The following MED8 variants were observed in gnomAD, a reference collection of about 807,000 sequenced individuals.
MED8 encodes the protein mediator complex subunit 8, also known as mediator of RNA polymerase II transcription subunit 8.
A neutral mutation model predicts 34.8 loss-of-function variants in MED8; 22 were observed. The observed-to-expected ratio is 0.63, with a 90% CI of 0.45 to 0.90. The LOEUF is 0.90. MED8 is among the 40% of genes least tolerant of loss of function. The pLI is 0.00. For missense variants in MED8, 260 were observed against 326.3 expected (o/e 0.80, Z 1.57); for synonymous variants, 105 against 120.2 (o/e 0.87, Z 0.83).
Position 43,384,516 on chromosome 1 carries a change from T to C in MED8, c.*526A>G, listed in dbSNP as rs529925640. The C allele has an allele frequency of 3.7e-6, 6 of 1,611,922 alleles. No individual in the cohort carries two copies. The East Asian group carries it at 1.3e-4, about 36-fold the overall frequency. On this transcript the variant is annotated 3_prime_UTR_variant, in exon 7 of 7. Transcript: ENST00000372457. ...CCAGAAGCTTCTTCACCTTGCGCCT[T>C]AGAGGGATAGCCAGAATGAAACCCA...
Position 43,386,044 on chromosome 1 carries a change from C to A in MED8, c.676G>T (p.Ala226Ser). ...GTSGLQQVQM[A>S]GAPSQQQPML... ...GGCTGCTGCTGGCTTGGAGCTCCTG[C>A]CATCTGCACCTGCTGTAATCCTGAG... The change falls in exon 6 of 7, where the codon GCA becomes TCA. Residue 226 changes from alanine to serine, a missense_variant. Coordinates refer to ENST00000372457, the MANE Select transcript of MED8 (RefSeq NM_201542.5). The surrounding 1 kb of genome is among the most constrained non-coding windows in gnomAD (Gnocchi z 4.9). 6.2e-7 allele frequency: 1 copy of A among 1,614,006 alleles called. No homozygotes were observed. Among genetic ancestry groups the A allele is most frequent in the Non-Finnish European group, 8.5e-7 (1 of 1,179,890 alleles).
rs762146850 is a variant in MED8, at chr1:43,386,174, CA to C, written c.545del (p.Val182GlyfsTer73). The C allele has an allele frequency of 6.2e-7, 1 of 1,614,022 alleles. No homozygotes were observed. Among genetic ancestry groups the C allele is most frequent in the Non-Finnish European group, 8.5e-7 (1 of 1,179,894 alleles). On this transcript the variant is annotated frameshift_variant, in exon 6 of 7. Coordinates refer to ENST00000372457, the MANE Select transcript of MED8 (RefSeq NM_201542.5). LOFTEE classifies it high-confidence loss of function. This position sits in a 1 kb window ranked among gnomAD's most constrained non-coding sequence, Gnocchi z 4.9. The stretch of plus-strand genomic sequence containing the variant: ...GTCCTTTCCCAAAGGCAACAGCTGC[CA>C]CCAAGGCATTAGTGTCTGTAGGGTT... ...TFNPTDTNAL[V>X]AAVAFGKGLS...
chr1:43,387,114 G>A (rs1194001178), intron 3 of MED8, 116 bp from the exon 4 acceptor site: 3 of 1,341,706 alleles, frequency 2.2e-6, no homozygotes, highest in Non-Finnish European at 3.1e-6. Context: ...TACAACCTGA[G>A]ACATAATATC....
Position 43,386,234 on chromosome 1 carries a change from A to G in MED8, c.494-8T>C. The G allele has an allele frequency of 1.2e-6, 2 of 1,610,918 alleles. No individual in the cohort carries two copies. Among genetic ancestry groups the G allele is most frequent in the Non-Finnish European group, 1.7e-6 (2 of 1,179,038 alleles). ...GCTTGTTCGGCCGGAGACCTGAAGA[A>G]AAAGTAATGGGGATCCTGAAGTATG... is the stretch of plus-strand genomic sequence containing the variant. On this transcript the variant is annotated splice_polypyrimidine_tract_variant and splice_region_variant and intron_variant, in intron 5 of 6. Coordinates refer to ENST00000372457, the MANE Select transcript of MED8 (RefSeq NM_201542.5). The surrounding 1 kb of genome is among the most constrained non-coding windows in gnomAD (Gnocchi z 4.9).
intron 1 of MED8, chr1:43,388,683 T>C (rs1647881108): frequency 2.2e-6 from 1 of 464,542 alleles, no homozygotes; most frequent in East Asian, 4.0e-5. Flanking sequence ...TCCTAATCTA[T>C]GCCTGGTTTT....
At chr1:43,388,535 G>T in intron 1 of MED8, 107 bp from the exon 2 acceptor site, 29 of 1,509,304 alleles carry the variant, frequency 1.9e-5, no homozygotes, top group Non-Finnish European at 2.6e-5. Context: ...AGGTAACACA[G>T]GATCTCATTG....
rs1239624793 is a variant in MED8, at chr1:43,385,050, G to C, written c.799C>G (p.Gln267Glu). ...NIKSASMHPY[Q>E]R is the part of the protein sequence containing the mutation. The stretch of plus-strand genomic sequence containing the variant: ...GAGGTTGCCAGCCACACTCACCGCT[G>C]GTAGGGATGCATGGAAGCCGACTTG... Residue 267 changes from glutamine (Q) to glutamate (E), a missense_variant, in exon 7 of 7, where the codon CAG (glutamine) becomes GAG (glutamate). Transcript: ENST00000372457. 3.2e-6 allele frequency: 5 copies of C among 1,556,848 alleles called. No individual in the cohort carries two copies. The highest frequency in any genetic ancestry group is 3.5e-6 in the Non-Finnish European group (4 of 1,149,622).
rs2153925410 is a variant in MED8 at position 43,384,286 on chromosome 1, G to A, written c.*756C>T. ...TCCAGGGGAAGGGGCTTTTTCGTGT[G>A]CTAAGGAAAAACCCTTTCCCACATA... On this transcript the variant is annotated 3_prime_UTR_variant, in exon 7 of 7. Transcript: ENST00000372457. The A allele has an allele frequency of 2.4e-6, 2 of 827,100 alleles. No individual in the cohort carries two copies. Among genetic ancestry groups the A allele is most frequent in the South Asian group, 2.4e-5 (1 of 41,864 alleles). 51.2% of individuals were successfully genotyped at this position (827,100 alleles called of 1,614,324 possible). A position where few individuals can be genotyped will look rare whatever the true frequency, so the allele number is the denominator to read the frequency against.
rs566269503 is a variant in MED8, at chr1:43,387,605, C to T, written c.168G>A (p.Leu56=). 202 of 1,613,970 alleles carry T rather than the reference C, an allele frequency of 1.3e-4. 4 individuals carry two copies. In the South Asian group the frequency reaches 2.2e-3, roughly 18 times the overall value. Residue 56 remains leucine, a synonymous_variant, in exon 3 of 7, where the codon CTG becomes CTA. Transcript: ENST00000372457. ...LDSFALLSGQ[L]NTLNKVLKHE... is the part of the protein sequence containing the mutation. Reference sequence around the variant, plus strand: ...GCTTCAAGACCTTGTTCAGAGTGTTCAGCTGTCCAGAAAGCAAGGCAAAGC... The same window carrying T: ...GCTTCAAGACCTTGTTCAGAGTGTTTAGCTGTCCAGAAAGCAAGGCAAAGC...
At chr1:43,387,691 G>GGT (rs778868878) in intron 2 of MED8, 44 bp from the exon 3 acceptor site, 18 of 1,607,634 alleles carry the variant, frequency 1.1e-5, no homozygotes, top group Non-Finnish European at 1.4e-5. Flanking sequence ...CCCCTTCCCT[G>GGT]GGTGGTTCTT....
chr1:43,384,489 G>T lies in MED8; in HGVS notation c.*553C>A, dbSNP rs1221507272. The T allele has an allele frequency of 1.2e-6, 2 of 1,610,092 alleles. No homozygotes were observed. ...GGTGGGCATTTTTTTTTCCTTCCTG[G>T]CCCAGAAGCTTCTTCACCTTGCGCC... On this transcript the variant is annotated 3_prime_UTR_variant, in exon 7 of 7. Coordinates refer to ENST00000372457, the MANE Select transcript of MED8 (RefSeq NM_201542.5).
Position 43,386,342 on chromosome 1 carries a change from A to T in MED8, c.494-116T>A. ...GAGTTCTGAATTCAGCAACATCTAGACTCCCTCACAGCCCAGAAAAAGAGC... is the reference window on the plus strand; with the variant it reads ...GAGTTCTGAATTCAGCAACATCTAGTCTCCCTCACAGCCCAGAAAAAGAGC... On this transcript the variant is annotated intron_variant, in intron 5 of 6. Transcript: ENST00000372457. This position sits in a 1 kb window ranked among gnomAD's most constrained non-coding sequence, Gnocchi z 4.9. The T allele has an allele frequency of 7.6e-7, 1 of 1,317,604 alleles. No homozygotes were observed. Among genetic ancestry groups the T allele is most frequent in the East Asian group, 2.5e-5 (1 of 40,202 alleles). 81.6% of individuals were successfully genotyped at this position (1,317,604 alleles called of 1,614,324 possible).
intron 6 of MED8, chr1:43,385,607 G>A (rs184381559): frequency 6.7e-4 from 188 of 280,240 alleles, no homozygotes; most frequent in African/African-American, 9.6e-4. Flanking sequence ...ACTGGCCTGC[G>A]TGTCAATTCC....
At position 43,386,958 on chromosome 1, in the gene MED8, A is replaced by G; in HGVS notation, c.311T>C (p.Val104Ala). 6.2e-7 allele frequency: 1 copy of G among 1,613,940 alleles called. No homozygotes were observed. Among genetic ancestry groups the G allele is most frequent in the Non-Finnish European group, 8.5e-7 (1 of 1,179,882 alleles). ...CTTGGTTCTCAGATGGTCAGGGACT[A>G]CCTCATGGCTGAAAACAGGCACCCG... ...EGRVPVFSHE[V>A]VPDHLRTKPD... Residue 104 changes from valine to alanine, a missense_variant, in exon 4 of 7, where the codon GTA (valine) becomes GCA (alanine). Coordinates refer to ENST00000372457, the MANE Select transcript of MED8 (RefSeq NM_201542.5). The surrounding 1 kb of genome is among the most constrained non-coding windows in gnomAD (Gnocchi z 4.9).
chr1:43,389,234 G>A (rs1416660450), intron 1 of MED8: 1 of 156,408 alleles, frequency 6.4e-6, no homozygotes, highest in Non-Finnish European at 1.4e-5. Flanking sequence ...TGGGAAGAGG[G>A]ATGCAAAACT....
In MED8 at chr1:43,386,326, A is replaced by G; in HGVS notation, c.494-100T>C. On this transcript the variant is annotated intron_variant, in intron 5 of 6. Coordinates refer to ENST00000372457, the MANE Select transcript of MED8 (RefSeq NM_201542.5). This position sits in a 1 kb window ranked among gnomAD's most constrained non-coding sequence, Gnocchi z 4.9. The stretch of plus-strand genomic sequence containing the variant: ...TGAGTGCCAGGGTTTGGAGTTCTGA[A>G]TTCAGCAACATCTAGACTCCCTCAC... 1 of 1,419,558 alleles carries G rather than the reference A, an allele frequency of 7.0e-7. No individual in the cohort carries two copies. The allele number at this position is 1,419,558 out of a possible 1,614,324, so 87.9% of individuals were successfully genotyped here. A position where few individuals can be genotyped will look rare whatever the true frequency, so the allele number is the denominator to read the frequency against.
rs1047923835 is a variant in MED8 at position 43,384,224 on chromosome 1, T to G, written c.*818A>C. ...ACTAAACCCTGATGGCAGTGTGAAG[T>G]GCAATTCCCTTCTCCCTCCAAAATA... is the stretch of plus-strand genomic sequence containing the variant. On this transcript the variant is annotated 3_prime_UTR_variant, in exon 7 of 7. Coordinates refer to ENST00000372457, the MANE Select transcript of MED8 (RefSeq NM_201542.5). The G allele has an allele frequency of 1.2e-5, 6 of 480,866 alleles. No homozygotes were observed. The South Asian group carries it at 2.0e-4, about 16-fold the overall frequency. 29.8% of individuals were successfully genotyped at this position (480,866 alleles called of 1,614,324 possible). A position where few individuals can be genotyped will look rare whatever the true frequency, so the allele number is the denominator to read the frequency against.
rs1007883351 is a variant in MED8, at chr1:43,386,792, A to T, written c.411+66T>A. 5.6e-6 allele frequency: 9 copies of T among 1,609,236 alleles called. No homozygotes were observed. The highest frequency in any genetic ancestry group is 7.6e-6 in the Non-Finnish European group (9 of 1,177,108). On this transcript the variant is annotated intron_variant, in intron 4 of 6. Coordinates refer to ENST00000372457, the MANE Select transcript of MED8 (RefSeq NM_201542.5). The surrounding 1 kb of genome is among the most constrained non-coding windows in gnomAD (Gnocchi z 4.9). The stretch of plus-strand genomic sequence containing the variant: ...CAACTATGTATCCCTACTAGACAGG[A>T]ATGGTAATGCCTAGCTTCTCATGAT...
At position 43,384,793 on chromosome 1, in the gene MED8, C is replaced by T. The variant is rs986018444; in HGVS notation, c.*249G>A. The T allele has an allele frequency of 1.4e-6, 2 of 1,403,256 alleles. No individual in the cohort carries two copies. Among genetic ancestry groups the T allele is most frequent in the African/African-American group, 1.5e-5 (1 of 68,918 alleles). The allele number at this position is 1,403,256 out of a possible 1,614,324, so 86.9% of individuals were successfully genotyped here. On this transcript the variant is annotated 3_prime_UTR_variant, in exon 7 of 7. Coordinates refer to ENST00000372457, the MANE Select transcript of MED8 (RefSeq NM_201542.5). ...TGTACTAAGTGCTTTACATTCATTTCCTCATTTTAATCCTCACAACAACCC... is the reference window on the plus strand; with the variant it reads ...TGTACTAAGTGCTTTACATTCATTTTCTCATTTTAATCCTCACAACAACCC...
Sources: allele counts gnomAD v4.1 joint callset, GRCh38; gene constraint gnomAD v4.1.1; non-coding constraint Gnocchi (gnomAD v3.1); transcripts MANE v1.5; gene names NCBI Gene and HGNC (gene_info 2026-07-23, HGNC 2026-07-21).